Variants in SDK1 observed in about 807,000 individuals in gnomAD.
SDK1 encodes the protein protein sidekick-1.
In SDK1, 157 loss-of-function variants were observed where a neutral mutation model predicts 245.5. The observed-to-expected ratio is 0.64, with a 90% CI of 0.56 to 0.73. The LOEUF is 0.73. SDK1 is among the 30% of genes least tolerant of loss of function. SDK1 has a pLI of 0.00. For synonymous variants in SDK1, 1,647 were observed against 1,278.5 expected, an observed-to-expected ratio of 1.29 and a Z score of -6.15; for missense variants, 3,583 against 3,002.3, an observed-to-expected ratio of 1.19 and a Z score of -4.52.
chr7:4,192,070 A>G (rs1013623307), intron 35 of SDK1, among the ~76,000 whole-genome samples: 2 of 152,082 alleles, frequency 1.3e-5, no homozygotes, highest in African/African-American at 4.8e-5. Flanking sequence ...TAACTTCTAG[A>G]TAGGGAAATC....
intron 1 of SDK1, among the ~76,000 whole-genome samples, chr7:3,412,334 C>T (rs1426976750): frequency 6.6e-6 from 1 of 152,040 alleles, no homozygotes; most frequent in Non-Finnish European, 1.5e-5. Flanking sequence ...TTTATTTTTC[C>T]AAAATGGTAT....
At chr7:3,618,994 G>C (rs1452222501) in intron 1 of SDK1, 86 bp from the exon 2 acceptor site, 4 of 1,109,960 alleles carry the variant, frequency 3.6e-6, no homozygotes, top group Non-Finnish European at 3.8e-6. Context: ...TATTACGTTT[G>C]TTTAAATAAT....
At chr7:4,215,948 G>T (rs1467822099) in intron 38 of SDK1, among the ~76,000 whole-genome samples, 6 of 152,134 alleles carry the variant, frequency 3.9e-5, no homozygotes, top group Non-Finnish European at 8.8e-5. Flanking sequence ...GTCCTGCCCA[G>T]CCTCACACAG....
chr7:3,453,177 C>T (rs1276410354), intron 1 of SDK1, among the ~76,000 whole-genome samples: 1 of 152,132 alleles, frequency 6.6e-6, no homozygotes, highest in Non-Finnish European at 1.5e-5. Context: ...TGTGAAGCCT[C>T]TGAACTGGTA....
In SDK1 at chr7:4,149,421, C is replaced by T. The variant is rs376569614; in HGVS notation, c.4583C>T (p.Ser1528Phe). The change falls in exon 30 of 45, where the codon TCC becomes TTC. Residue 1528 changes from serine to phenylalanine, a missense_variant. Coordinates refer to ENST00000404826, the MANE Select transcript of SDK1 (RefSeq NM_152744.4). ...CCTCGGGGTGAGTGGCAGACCTACT[C>T]CTCGTCCATCAGCCATGAGGCGACA... ...ELPRGEWQTY[S>F]SSISHEATAC... is the part of the protein sequence containing the mutation. 6.4e-7 allele frequency: 1 copy of T among 1,570,730 alleles called. No individual in the cohort carries two copies. Among genetic ancestry groups the T allele is most frequent in the Admixed American group, 1.9e-5 (1 of 53,994 alleles).
chr7:3,625,527 A>G (rs1344411056), intron 2 of SDK1, among the ~76,000 whole-genome samples: 1 of 152,186 alleles, frequency 6.6e-6, no homozygotes, highest in Non-Finnish European at 1.5e-5. Flanking sequence ...GCAGGGAGGA[A>G]GGAAGCACCA....
chr7:3,612,137 G>T (rs1409695210), intron 1 of SDK1, among the ~76,000 whole-genome samples: 2 of 152,124 alleles, frequency 1.3e-5, no homozygotes, highest in East Asian at 1.9e-4. Flanking sequence ...ATTGGGTACA[G>T]TGTACACTGC....
chr7:3,904,308 G>A (rs1423376053), intron 5 of SDK1, among the ~76,000 whole-genome samples: 1 of 152,180 alleles, frequency 6.6e-6, no homozygotes, highest in Admixed American at 6.5e-5. Flanking sequence ...GAAAGTGAGT[G>A]CTGAAGAGTA....
chr7:3,942,227 C>G (rs769633242), intron 5 of SDK1, among the ~76,000 whole-genome samples: 1 of 152,208 alleles, frequency 6.6e-6, no homozygotes, highest in Non-Finnish European at 1.5e-5. Context: ...CTTCTCTCAG[C>G]AAGTGCTTAT....
chr7:3,945,060 G>A (rs1294397982), intron 5 of SDK1, among the ~76,000 whole-genome samples: 4 of 152,224 alleles, frequency 2.6e-5, no homozygotes, highest in African/African-American at 9.6e-5. Context: ...TTTGCAGTGA[G>A]CTGAGATTGT....
chr7:3,865,129 C>G (rs1780789778), intron 5 of SDK1, among the ~76,000 whole-genome samples: 2 of 152,288 alleles, frequency 1.3e-5, no homozygotes, highest in South Asian at 4.2e-4. Flanking sequence ...TGTCATACCC[C>G]CATCTTGGGA....
At chr7:3,995,727 A>G (rs887097023) in intron 14 of SDK1, among the ~76,000 whole-genome samples, 1 of 151,552 alleles carries the variant, frequency 6.6e-6, no homozygotes, top group Non-Finnish European at 1.5e-5. Flanking sequence ...GTATTCTTGA[A>G]CCCATTCTGC....
intron 4 of SDK1, among the ~76,000 whole-genome samples, chr7:3,666,276 C>A (rs1783529980): frequency 6.6e-6 from 1 of 152,204 alleles, no homozygotes; most frequent in African/African-American, 2.4e-5. Flanking sequence ...GCTTGTTTCT[C>A]CTTTTCCCTT....
At chr7:4,053,382 T>C (rs556382848) in intron 19 of SDK1, among the ~76,000 whole-genome samples, 1 of 152,236 alleles carries the variant, frequency 6.6e-6, no homozygotes, top group South Asian at 2.1e-4. Context: ...TCTCAAACGA[T>C]GCAGTATGGC....
intron 35 of SDK1, among the ~76,000 whole-genome samples, chr7:4,187,079 G>A (rs756245169): frequency 6.6e-6 from 1 of 152,172 alleles, no homozygotes; most frequent in Non-Finnish European, 1.5e-5. Flanking sequence ...AGTGTGGGTT[G>A]TGTGCATGTT....
At chr7:3,601,041 T>C (rs1348880594) in intron 1 of SDK1, among the ~76,000 whole-genome samples, 1 of 152,188 alleles carries the variant, frequency 6.6e-6, no homozygotes, top group Admixed American at 6.5e-5. Flanking sequence ...GTTTTTTGAA[T>C]GTTGAACCAG....
At chr7:4,078,693 G>A (rs916988617) in intron 21 of SDK1, among the ~76,000 whole-genome samples, 18 of 152,172 alleles carry the variant, frequency 1.2e-4, no homozygotes, top group African/African-American at 3.9e-4. Flanking sequence ...GAAAGCTCTC[G>A]TTTTGAACTC....
chr7:3,883,606 G>A (rs1415695260), intron 5 of SDK1, among the ~76,000 whole-genome samples: 1 of 152,150 alleles, frequency 6.6e-6, no homozygotes, highest in Admixed American at 6.5e-5. Context: ...GATCGTGCAG[G>A]CCTTTGACCT....
rs191203216 is a variant in SDK1, at chr7:4,156,185, C to T, written c.4626-2263C>T. Among the ~76,000 whole-genome samples, 29 of 152,202 alleles carry T rather than the reference C, an allele frequency of 1.9e-4. No homozygotes were observed. The East Asian group carries it at 4.7e-3, about 24-fold the overall frequency. Reference sequence around the variant, plus strand: ...CTTTGGGGTCCACATTCCTGATGCCCACTCTGCTGCCTCCTGGTACAGGAG... The same window carrying T: ...CTTTGGGGTCCACATTCCTGATGCCTACTCTGCTGCCTCCTGGTACAGGAG... On this transcript the variant is annotated intron_variant, in intron 30 of 44. Coordinates refer to ENST00000404826, the MANE Select transcript of SDK1 (RefSeq NM_152744.4).
Sources: allele counts gnomAD v4.1 joint callset (sites outside exome capture counted in the v4.1 genomes callset), GRCh38; gene constraint gnomAD v4.1.1; transcripts MANE v1.5; gene names NCBI Gene and HGNC (gene_info 2026-07-23, HGNC 2026-07-21).